STXBP5L: variants seen among roughly 807,000 people sequenced by gnomAD.
STXBP5L encodes syntaxin binding protein 5L, also known as syntaxin-binding protein 5-like.
Under a neutral mutation model 144.5 loss-of-function variants are expected in STXBP5L, and 65 were observed. The ratio of observed to expected loss-of-function variants is 0.45; its 90% CI spans 0.37 to 0.55. The LOEUF (loss-of-function observed/expected upper bound fraction) is 0.55, where lower values mean the gene tolerates loss of function less well. Among genes scored for constraint, STXBP5L ranks in the 20% least tolerant of loss-of-function variants. STXBP5L has a pLI of 0.00. For missense variants in STXBP5L, 1,298 were observed against 1,405.5 expected (o/e 0.92, Z 1.22); for synonymous variants, 505 against 469.6 (o/e 1.08, Z -0.97).
chr3:121,387,101 C>T (rs539790378), intron 22 of STXBP5L, among the ~76,000 whole-genome samples: 7 of 152,304 alleles, frequency 4.6e-5, no homozygotes, highest in Non-Finnish European at 8.8e-5. Flanking sequence ...GCCATTCTAA[C>T]GGGTGTGAGA....
chr3:121,378,997 TA>T, intron 21 of STXBP5L, 111 bp downstream of exon 21: 1 of 1,148,236 alleles, frequency 8.7e-7, no homozygotes, highest in Non-Finnish European at 1.2e-6. Context: ...AAAAAACTAC[TA>T]ATCAGTGAAT....
chr3:121,138,356 A>G (rs1423040791), intron 7 of STXBP5L, among the ~76,000 whole-genome samples: 1 of 152,092 alleles, frequency 6.6e-6, no homozygotes, highest in East Asian at 1.9e-4. Flanking sequence ...TAGATTCAAT[A>G]CAGTTTCTAT....
chr3:121,347,966 T>C (rs1341236406), intron 20 of STXBP5L, among the ~76,000 whole-genome samples: 1 of 152,212 alleles, frequency 6.6e-6, no homozygotes, highest in East Asian at 1.9e-4. Flanking sequence ...TCCTGCCTAA[T>C]TGCCCTGGCC....
chr3:121,076,738 A>G (rs1220653505), intron 5 of STXBP5L, among the ~76,000 whole-genome samples: 1 of 152,166 alleles, frequency 6.6e-6, no homozygotes, highest in Non-Finnish European at 1.5e-5. Flanking sequence ...GGTTAACATC[A>G]TAATCACCAT....
At chr3:121,416,062 C>T in intron 25 of STXBP5L, 94 bp downstream of exon 25, 1 of 914,488 alleles carries the variant, frequency 1.1e-6, no homozygotes. Context: ...AATATGTGAT[C>T]TCAAATTCTA....
chr3:121,168,788 C>T (rs1257183238), intron 9 of STXBP5L, among the ~76,000 whole-genome samples: 1 of 152,158 alleles, frequency 6.6e-6, no homozygotes, highest in Non-Finnish European at 1.5e-5. Flanking sequence ...TCCAGGAGAA[C>T]TTCCCCAATC....
chr3:121,409,443 T>A (rs558878476), intron 23 of STXBP5L, among the ~76,000 whole-genome samples: 2 of 152,012 alleles, frequency 1.3e-5, no homozygotes, highest in East Asian at 3.9e-4. Context: ...GGGATATTAA[T>A]GATCTTTGAG....
chr3:120,978,927 A>G (rs1489862595), intron 3 of STXBP5L, among the ~76,000 whole-genome samples: 1 of 152,108 alleles, frequency 6.6e-6, no homozygotes, highest in African/African-American at 2.4e-5. Context: ...AGGAGTACCC[A>G]GCCGTGTGAG....
intron 10 of STXBP5L, among the ~76,000 whole-genome samples, chr3:121,212,040 C>T (rs9826599): frequency 0.1 from 15,228 of 151,964 alleles, 1,199 homozygotes; most frequent in Admixed American, 0.2. Context: ...TCATATACTT[C>T]GCCAACTTTT....
chr3:121,091,464 T>G (rs1576920325), intron 5 of STXBP5L, among the ~76,000 whole-genome samples: 2 of 152,202 alleles, frequency 1.3e-5, no homozygotes, highest in Middle Eastern at 3.4e-3. Flanking sequence ...TTTTAATGAT[T>G]GCCATTCTAA....
chr3:121,102,802 T>A (rs1309468743), intron 5 of STXBP5L, among the ~76,000 whole-genome samples: 3 of 152,088 alleles, frequency 2.0e-5, no homozygotes, highest in Admixed American at 6.6e-5. Context: ...AAACTATGCA[T>A]CAAACAAAGG....
intron 3 of STXBP5L, among the ~76,000 whole-genome samples, chr3:120,988,576 G>A (rs902338372): frequency 6.6e-6 from 1 of 152,014 alleles, no homozygotes; most frequent in Non-Finnish European, 1.5e-5. Flanking sequence ...CATGTATGTT[G>A]TTCTTTTGTT....
intron 3 of STXBP5L, among the ~76,000 whole-genome samples, chr3:120,979,706 C>G (rs1941542651): frequency 6.6e-6 from 1 of 152,082 alleles, no homozygotes; most frequent in Non-Finnish European, 1.5e-5. Context: ...AGCTCCGATC[C>G]TTTGTATTTT....
chr3:121,167,878 C>G (rs1414601251), intron 9 of STXBP5L, among the ~76,000 whole-genome samples: 1 of 152,192 alleles, frequency 6.6e-6, no homozygotes, highest in Non-Finnish European at 1.5e-5. Flanking sequence ...CCCCATGCCT[C>G]CTGACTTGGA....
chr3:121,084,450 A>T (rs1177054926), intron 5 of STXBP5L, among the ~76,000 whole-genome samples: 2 of 152,132 alleles, frequency 1.3e-5, no homozygotes, highest in East Asian at 1.9e-4. Context: ...AAGTGAGAAC[A>T]TGTGGTGTTT....
intron 2 of STXBP5L, among the ~76,000 whole-genome samples, chr3:120,923,693 T>C (rs542802613): frequency 6.6e-6 from 1 of 152,248 alleles, no homozygotes; most frequent in South Asian, 2.1e-4. Context: ...ATTGTGATCA[T>C]AAAAGATATG....
At chr3:121,274,722 A>C (rs1332746739) in intron 18 of STXBP5L, among the ~76,000 whole-genome samples, 1 of 152,232 alleles carries the variant, frequency 6.6e-6, no homozygotes, top group Non-Finnish European at 1.5e-5. Context: ...AGGCCTGGGC[A>C]TATACAGATT....
At chr3:121,100,560 A>G (rs746743257) in intron 5 of STXBP5L, among the ~76,000 whole-genome samples, 3 of 152,192 alleles carry the variant, frequency 2.0e-5, no homozygotes, top group Non-Finnish European at 2.9e-5. Context: ...AAACAGAGAC[A>G]TGACTTACTA....
At chr3:121,032,234 CT>C (rs1195263780) in intron 3 of STXBP5L, among the ~76,000 whole-genome samples, 2 of 141,150 alleles carry the variant, frequency 1.4e-5, no homozygotes, top group African/African-American at 5.5e-5. Context: ...CCCAAGGGAA[CT>C]TTAGAAGTGA....
Sources: gnomAD v4.1 joint callset for allele counts (sites outside exome capture counted in the v4.1 genomes callset) on GRCh38, gnomAD v4.1.1 for gene constraint, MANE v1.5 for transcripts, NCBI Gene and HGNC (gene_info 2026-07-23, HGNC 2026-07-21) for gene names.